TRIM31: variants seen among roughly 807,000 people sequenced by gnomAD.
The protein encoded by TRIM31 is tripartite motif containing 31, also known as E3 ubiquitin-protein ligase TRIM31.
A neutral mutation model predicts 40.6 loss-of-function variants in TRIM31; 31 were observed. That is an observed-to-expected ratio of 0.76 (90% confidence interval 0.57 to 1.03). The LOEUF is 1.03. Ranked by LOEUF, TRIM31 falls within the 50% of genes least tolerant of loss-of-function variation. The probability of loss-of-function intolerance (pLI) is 0.00; values close to 1 mark genes in which losing one functional copy is unlikely to be tolerated. For synonymous variants in TRIM31, 164 were observed against 193.9 expected, an observed-to-expected ratio of 0.85 and a Z score of 1.28; for missense variants, 455 against 497.5, an observed-to-expected ratio of 0.91 and a Z score of 0.81.
intron 2 of TRIM31, 66 bp downstream of exon 2, chr6:30,112,323 A>G: frequency 6.5e-7 from 1 of 1,535,034 alleles, no homozygotes; most frequent in Non-Finnish European, 8.8e-7. Context: ...GGAAGGTAGC[A>G]GTTTCCAGGG....
intron 7 of TRIM31, 115 bp downstream of exon 7, chr6:30,105,053 T>C: frequency 1.1e-6 from 1 of 890,032 alleles, no homozygotes; most frequent in Non-Finnish European, 1.8e-6. Flanking sequence ...CTCAATTGGC[T>C]GAGGAATCGG....
chr6:30,113,000 A>G (rs1769523335), intron 1 of TRIM31, 64 bp downstream of exon 1: 2 of 546,346 alleles, frequency 3.7e-6, no homozygotes, highest in South Asian at 3.4e-5. Flanking sequence ...GAAATGATAG[A>G]AAAGCGTAAA....
At chr6:30,107,992 G>T in intron 6 of TRIM31, 61 bp downstream of exon 6, 1 of 1,116,974 alleles carries the variant, frequency 9.0e-7, no homozygotes, top group South Asian at 1.3e-5. Context: ...TTTCAGTGGA[G>T]TGAGCAGGGA....
intron 6 of TRIM31, chr6:30,105,460 A>G (rs180673775): frequency 1.8e-4 from 69 of 385,820 alleles, no homozygotes; most frequent in Non-Finnish European, 3.0e-4. Context: ...TCCAGTATGA[A>G]TGATGAATGT....
rs565614060 is a variant in TRIM31 at position 30,112,826 on chromosome 6, T to C, written c.-21A>G. The C allele has an allele frequency of 9.5e-6, 15 of 1,579,180 alleles. No homozygotes were observed. In the African/African-American group the frequency reaches 2.0e-4, roughly 21 times the overall value. ...GCCATGACAGAACAACAGGGCTGTT[T>C]CAAGACTGTAGGAAGCTGTGCCAAG... On this transcript the variant is annotated 5_prime_UTR_variant, in exon 2 of 9. Transcript: ENST00000376734.
At position 30,111,231 on chromosome 6, in the gene TRIM31, G is replaced by C. The variant is rs549507382; in HGVS notation, c.513+417C>G. On this transcript the variant is annotated intron_variant, in intron 3 of 8. Coordinates refer to ENST00000376734, the MANE Select transcript of TRIM31 (RefSeq NM_007028.5). ...TTCTTTTTTTTTTTAATTAAGAGGA[G>C]AGTCTCGCTATGTTGCCCAGGCTGG... The C allele has an allele frequency of 2.1e-3, 379 of 176,664 alleles. 1 individual carries two copies. The highest frequency in any genetic ancestry group is 7.3e-3 in the African/African-American group (305 of 41,840). 10.9% of individuals were successfully genotyped at this position (176,664 alleles called of 1,614,324 possible).
At chr6:30,112,937 C>A in intron 1 of TRIM31, 49 bp from the exon 2 acceptor site, 5 of 784,032 alleles carry the variant, frequency 6.4e-6, no homozygotes, top group East Asian at 2.9e-5. Flanking sequence ...GAGATTCTGC[C>A]AATTAGTTAG....
chr6:30,112,071 G>T, intron 2 of TRIM31: 1 of 550,094 alleles, frequency 1.8e-6, no homozygotes. Flanking sequence ...CATTTGAAAG[G>T]TGAGGTACCT....
In TRIM31 at chr6:30,104,165, C is replaced by T; in HGVS notation, c.961G>A (p.Gly321Ser). The change falls in exon 8 of 9, where the codon GGC becomes AGC. Residue 321 changes from glycine (G) to serine (S), a missense_variant and splice_region_variant. Gly to Ser is a moderately conservative substitution (Grantham distance 56). Coordinates refer to ENST00000376734, the MANE Select transcript of TRIM31 (RefSeq NM_007028.5). ...SMNKNDMKSWGLLQKNNHKMN... is the reference protein window; with the variant it reads ...SMNKNDMKSWSLLQKNNHKMN... ...TTATGATTATTTTTCTGTAACAAGC[C>T]CCCTAAAAATTGGGGAGAGAAAACC... The T allele has an allele frequency of 1.9e-6, 3 of 1,612,842 alleles. No individual in the cohort carries two copies. The highest frequency in any genetic ancestry group is 2.5e-6 in the Non-Finnish European group (3 of 1,179,992).
At position 30,111,660 on chromosome 6, in the gene TRIM31, G is replaced by A. The variant is rs772174242; in HGVS notation, c.501C>T (p.Val167=). 6 of 1,613,924 alleles carry A rather than the reference G, an allele frequency of 3.7e-6. No homozygotes were observed. Among genetic ancestry groups the A allele is most frequent in the African/African-American group, 2.7e-5 (2 of 74,906 alleles). ...GAGTTTTTCTTACCGTGAAGACATC[G>A]ACCCTGTGTACACCTTGTGCCTTCA... The part of the protein sequence containing the change: ...VQVKAQGVHR[V]DVFTDQVEHE... The change falls in exon 3 of 9, where the codon GTC becomes GTT. Residue 167 remains valine (V), a synonymous_variant. Transcript: ENST00000376734.
intron 3 of TRIM31, among the ~76,000 whole-genome samples, chr6:30,111,030 C>CTTTTTTTTTTTTTTTTTTTTTTTTTTTTT (rs9278578): frequency 7.9e-5 from 9 of 114,310 alleles, no homozygotes; most frequent in East Asian, 2.7e-4. Context: ...TTCCTTCTGT[C>CTTTTTTTTTTTTTTTTTTTTTTTTTTTTT]TTTTTTTTTT....
Position 30,110,546 on chromosome 6 carries a change from G to T in TRIM31, c.646C>A (p.His216Asn), listed in dbSNP as rs754346777. The T allele has an allele frequency of 9.3e-6, 15 of 1,614,158 alleles. 1 individual carries two copies. The South Asian group carries it at 1.6e-4, about 18-fold the overall frequency. ...TGTGGCTCAGTGGAGGCAACATAGT[G>T]TTTCCCCGCTTCCGTTCCCTCATGA... ...LGHEGTEAGK[H>N]YVASTEPQLN... The change falls in exon 4 of 9, where the codon CAC becomes AAC. Residue 216 changes from histidine to asparagine, a missense_variant. Physicochemically the swap from His to Asn is moderately conservative, Grantham distance 68. Coordinates refer to ENST00000376734, the MANE Select transcript of TRIM31 (RefSeq NM_007028.5).
chr6:30,107,555 C>T (rs1326061505), intron 6 of TRIM31: 1 of 152,904 alleles, frequency 6.5e-6, no homozygotes, highest in Non-Finnish European at 1.5e-5. Context: ...ACATCTAAAA[C>T]CCAAGTCATC....
intron 3 of TRIM31, 128 bp downstream of exon 3, chr6:30,111,520 G>A (rs1318236421): frequency 1.4e-5 from 13 of 919,184 alleles, no homozygotes. Flanking sequence ...CCGGTCAGGT[G>A]CTGAGGCGCC....
At position 30,103,319 on chromosome 6, in the gene TRIM31, C is replaced by T; in HGVS notation, c.*217G>A. 5.5e-6 allele frequency: 4 copies of T among 724,378 alleles called. No individual in the cohort carries two copies. Among genetic ancestry groups the T allele is most frequent in the Non-Finnish European group, 9.1e-6 (4 of 439,190 alleles). 44.9% of individuals were successfully genotyped at this position (724,378 alleles called of 1,614,324 possible). A position where few individuals can be genotyped will look rare whatever the true frequency, so the allele number is the denominator to read the frequency against. The stretch of plus-strand genomic sequence containing the variant: ...TGGCTGGAGATTGTCTCTTCCCCTC[C>T]TTTTGCTCAAGAATTCGTCCATTCC... On this transcript the variant is annotated 3_prime_UTR_variant, in exon 9 of 9. Transcript: ENST00000376734.
chr6:30,105,285 G>C (rs370404048), intron 6 of TRIM31, 43 bp from the exon 7 acceptor site: 110 of 1,521,626 alleles, frequency 7.2e-5, no homozygotes, highest in Non-Finnish European at 9.7e-5. Flanking sequence ...AGTCCAGAGG[G>C]GTTGAGCAAA....
chr6:30,112,486 T>G lies in TRIM31; in HGVS notation c.320A>C (p.Glu107Ala). 5 of 1,613,164 alleles carry G rather than the reference T, an allele frequency of 3.1e-6. No individual in the cohort carries two copies. Among genetic ancestry groups the G allele is most frequent in the Non-Finnish European group, 4.2e-6 (5 of 1,180,056 alleles). ...RHQEMFHYFC[E>A]DDGKFLCFVC... ...AAAACAGAGGAACTTCCCATCATCC[T>G]CGCAGAAATAGTGGAACATCTCCTG... Residue 107 changes from glutamate (E) to alanine (A), a missense_variant, in exon 2 of 9, where the codon GAG becomes GCG. Transcript: ENST00000376734.
At chr6:30,112,287 G>A (rs887634487) in intron 2 of TRIM31, 102 bp downstream of exon 2, 11 of 1,396,740 alleles carry the variant, frequency 7.9e-6, no homozygotes, top group Non-Finnish European at 1.1e-5. Flanking sequence ...CAAGGGGTGG[G>A]GGCAATGGGG....
chr6:30,103,969 A>G, intron 8 of TRIM31, 133 bp downstream of exon 8: 1 of 1,360,498 alleles, frequency 7.4e-7, no homozygotes, highest in Non-Finnish European at 1.0e-6. Flanking sequence ...TAATTTGGGG[A>G]GGAACTGAGG....
Sources: allele counts gnomAD v4.1 joint callset (sites outside exome capture counted in the v4.1 genomes callset), GRCh38; gene constraint gnomAD v4.1.1; transcripts MANE v1.5; gene names NCBI Gene and HGNC (gene_info 2026-07-23, HGNC 2026-07-21).